The following CTSO variants were observed in gnomAD, a reference collection of about 807,000 sequenced individuals.
CTSO encodes cathepsin O.
CTSO carries 40 observed loss-of-function variants against 42.4 expected under a neutral mutation model. That is an observed-to-expected ratio of 0.94 (90% CI 0.73 to 1.23). CTSO has a LOEUF of 1.23. Among genes scored for constraint, CTSO ranks in the 50% most tolerant of loss-of-function variants. The pLI is 0.00. For synonymous variants in CTSO, 156 were observed against 146.2 expected, an observed-to-expected ratio of 1.07 and a Z score of -0.48; for missense variants, 441 against 396.0, an observed-to-expected ratio of 1.11 and a Z score of -0.96.
chr4:155,931,912 T>C (rs1459126371), intron 5 of CTSO, among the ~76,000 whole-genome samples: 1 of 151,836 alleles, frequency 6.6e-6, no homozygotes, highest in Non-Finnish European at 1.5e-5. Flanking sequence ...AATTTTATTG[T>C]CATCAAGATG....
Position 155,953,824 on chromosome 4 carries a change from C to A in CTSO, c.24G>T (p.Trp8Cys). 1.5e-6 allele frequency: 2 copies of A among 1,317,752 alleles called. No individual in the cohort carries two copies. Among genetic ancestry groups the A allele is most frequent in the Non-Finnish European group, 1.9e-6 (2 of 1,034,450 alleles). 81.6% of individuals were successfully genotyped at this position (1,317,752 alleles called of 1,614,324 possible). The change falls in exon 1 of 8, where the codon TGG becomes TGT. Residue 8 changes from tryptophan to cysteine, a missense_variant. Coordinates refer to ENST00000433477, the MANE Select transcript of CTSO (RefSeq NM_001334.3). MDVRALPWLPWLLWLLCR... is the reference protein window; with the variant it reads MDVRALPCLPWLLWLLCR... The stretch of plus-strand genomic sequence containing the variant: ...ACAGCAGCCACAGCAGCCACGGCAG[C>A]CACGGCAGCGCCCGCACGTCCATTG...
Position 155,943,162 on chromosome 4 carries a change from A to C in CTSO, c.238T>G (p.Phe80Val), listed in dbSNP as rs767176089. The stretch of plus-strand genomic sequence containing the variant: ...TAGCAACATCGGACTATACCTTTAA[A>C]CTCTTCAGGAAACAAATAGGAAAAC... Reference protein sequence around the residue: ...NQFSYLFPEEFKAIYLRSKPS... With the variant: ...NQFSYLFPEEVKAIYLRSKPS... Residue 80 changes from phenylalanine (F) to valine (V), a missense_variant, in exon 2 of 8, where the codon TTT becomes GTT. Phe to Val is a conservative substitution (Grantham distance 50). Coordinates refer to ENST00000433477, the MANE Select transcript of CTSO (RefSeq NM_001334.3). 1.3e-6 allele frequency: 2 copies of C among 1,599,056 alleles called. No homozygotes were observed. Among genetic ancestry groups the C allele is most frequent in the South Asian group, 1.1e-5 (1 of 90,152 alleles).
chr4:155,939,741 A>T (rs1743395912), intron 3 of CTSO, among the ~76,000 whole-genome samples: 1 of 152,216 alleles, frequency 6.6e-6, no homozygotes, highest in African/African-American at 2.4e-5. Context: ...TTATTAGTTC[A>T]TGTTGTCAGC....
Position 155,925,769 on chromosome 4 carries a change from T to C in CTSO, c.*267A>G. 1 of 421,624 alleles carries C rather than the reference T, an allele frequency of 2.4e-6. No homozygotes were observed. Among genetic ancestry groups the C allele is most frequent in the Middle Eastern group, 5.9e-4 (1 of 1,684 alleles). The allele number at this position is 421,624 out of a possible 1,614,324, so 26.1% of individuals were successfully genotyped here. A position where few individuals can be genotyped will look rare whatever the true frequency, so the allele number is the denominator to read the frequency against. On this transcript the variant is annotated 3_prime_UTR_variant, in exon 8 of 8. Coordinates refer to ENST00000433477, the MANE Select transcript of CTSO (RefSeq NM_001334.3). The stretch of plus-strand genomic sequence containing the variant: ...CCCAGTTGCAGGGGCCTAAAATATC[T>C]CCTAATCTGAATTTCGTCTCAGGAC...
At chr4:155,946,232 A>C (rs936185891) in intron 1 of CTSO, among the ~76,000 whole-genome samples, 1 of 152,174 alleles carries the variant, frequency 6.6e-6, no homozygotes, top group Admixed American at 6.5e-5. Flanking sequence ...CAGATGAAAC[A>C]AACTTATACA....
chr4:155,946,245 G>A (rs542780010), intron 1 of CTSO, among the ~76,000 whole-genome samples: 3 of 152,210 alleles, frequency 2.0e-5, no homozygotes, highest in Admixed American at 6.5e-5. Context: ...CTTATACATC[G>A]TTGGCAGGGA....
intron 6 of CTSO, 68 bp downstream of exon 6, chr4:155,929,474 G>A (rs1268165588): frequency 1.3e-6 from 2 of 1,487,042 alleles, no homozygotes; most frequent in African/African-American, 1.4e-5. Context: ...ATGTTCTACA[G>A]TATGGTGATC....
At chr4:155,946,306 AC>A (rs1486260512) in intron 1 of CTSO, among the ~76,000 whole-genome samples, 1 of 152,176 alleles carries the variant, frequency 6.6e-6, no homozygotes, top group African/African-American at 2.4e-5. Context: ...GTGTCATTTC[AC>A]CATCCAAAGT....
At chr4:155,951,999 A>G (rs1420490249) in intron 1 of CTSO, among the ~76,000 whole-genome samples, 9 of 152,208 alleles carry the variant, frequency 5.9e-5, no homozygotes, top group Non-Finnish European at 1.2e-4. Flanking sequence ...GTTTTAAAGC[A>G]TTCTTGGATA....
chr4:155,936,443 C>G (rs1026797114), intron 5 of CTSO, among the ~76,000 whole-genome samples: 3 of 152,186 alleles, frequency 2.0e-5, no homozygotes, highest in Non-Finnish European at 4.4e-5. Flanking sequence ...TTCAGGACCA[C>G]TAAGTCATAG....
chr4:155,942,256 T>C, intron 3 of CTSO, 61 bp downstream of exon 3: 1 of 1,372,068 alleles, frequency 7.3e-7, no homozygotes, highest in South Asian at 1.8e-5. Flanking sequence ...TGATTAAACT[T>C]GACCTCAAAG....
chr4:155,949,022 T>C (rs572258565), intron 1 of CTSO, among the ~76,000 whole-genome samples: 67 of 152,366 alleles, frequency 4.4e-4, no homozygotes, highest in African/African-American at 1.5e-3. Context: ...GCGAATCTTT[T>C]ATGAGCAAAC....
rs1011294433 is a variant in CTSO, at chr4:155,953,796, G to A, written c.52C>T (p.Arg18Trp). Residue 18 changes from arginine (R) to tryptophan (W), a missense_variant, in exon 1 of 8, where the codon CGG (arginine) becomes TGG (tryptophan). Arg to Trp is a moderately radical substitution (Grantham distance 101). Transcript: ENST00000433477. ...WLPWLLWLLC[R>W]GGGDADSRAP... ...CGGGAGTCCGCATCGCCGCCGCCCCGGCACAGCAGCCACAGCAGCCACGGC... is the reference window on the plus strand; with the variant it reads ...CGGGAGTCCGCATCGCCGCCGCCCCAGCACAGCAGCCACAGCAGCCACGGC... 3.7e-6 allele frequency: 5 copies of A among 1,351,112 alleles called. No homozygotes were observed. Among genetic ancestry groups the A allele is most frequent in the Admixed American group, 3.0e-5 (1 of 33,562 alleles). The allele number at this position is 1,351,112 out of a possible 1,614,324, so 83.7% of individuals were successfully genotyped here. A position where few individuals can be genotyped will look rare whatever the true frequency, so the allele number is the denominator to read the frequency against.
chr4:155,942,431 G>A lies in CTSO; in HGVS notation c.270C>T (p.Ser90=). 1 of 1,542,726 alleles carries A rather than the reference G, an allele frequency of 6.5e-7. No homozygotes were observed. The highest frequency in any genetic ancestry group is 8.7e-7 in the Non-Finnish European group (1 of 1,145,230). The change falls in exon 3 of 8, where the codon TCC becomes TCT. Residue 90 remains serine (S), a synonymous_variant. Coordinates refer to ENST00000433477, the MANE Select transcript of CTSO (RefSeq NM_001334.3). ...CTTCTGCTGAGTATCTGGGAAACTTGGAAGGTTTGCTTCTTAAATAAATGG... is the reference window on the plus strand; with the variant it reads ...CTTCTGCTGAGTATCTGGGAAACTTAGAAGGTTTGCTTCTTAAATAAATGG... The part of the protein sequence containing the change: ...FKAIYLRSKP[S]KFPRYSAEVH...
chr4:155,952,536 A>G (rs1231474898), intron 1 of CTSO, among the ~76,000 whole-genome samples: 1 of 152,216 alleles, frequency 6.6e-6, no homozygotes, highest in Non-Finnish European at 1.5e-5. Flanking sequence ...TAAGTTGAGG[A>G]TAGGGGTAGA....
intron 1 of CTSO, among the ~76,000 whole-genome samples, chr4:155,951,170 T>G (rs1040258331): frequency 6.6e-6 from 1 of 152,156 alleles, no homozygotes; most frequent in African/African-American, 2.4e-5. Context: ...GCTTTGGAAA[T>G]TTTATGTAAA....
At position 155,953,791 on chromosome 4, in the gene CTSO, G is replaced by A; in HGVS notation, c.57C>T (p.Gly19=). The A allele has an allele frequency of 1.5e-6, 2 of 1,342,942 alleles. No homozygotes were observed. Among genetic ancestry groups the A allele is most frequent in the Non-Finnish European group, 9.6e-7 (1 of 1,043,608 alleles). The allele number at this position is 1,342,942 out of a possible 1,614,324, so 83.2% of individuals were successfully genotyped here. The change falls in exon 1 of 8, where the codon GGC becomes GGT. Residue 19 remains glycine, a synonymous_variant. Coordinates refer to ENST00000433477, the MANE Select transcript of CTSO (RefSeq NM_001334.3). The stretch of plus-strand genomic sequence containing the variant: ...GGGCGCGGGAGTCCGCATCGCCGCC[G>A]CCCCGGCACAGCAGCCACAGCAGCC... The part of the protein sequence containing the change: ...LPWLLWLLCR[G]GGDADSRAPF...
At chr4:155,947,373 C>T (rs1188840297) in intron 1 of CTSO, among the ~76,000 whole-genome samples, 2 of 152,150 alleles carry the variant, frequency 1.3e-5, no homozygotes, top group Non-Finnish European at 2.9e-5. Context: ...CTCTATCTTC[C>T]TTTTCCTTTA....
At chr4:155,934,240 T>C (rs1396054238) in intron 5 of CTSO, among the ~76,000 whole-genome samples, 2 of 152,114 alleles carry the variant, frequency 1.3e-5, no homozygotes, top group African/African-American at 4.8e-5. Flanking sequence ...CCATTTGGGG[T>C]TGAGCCTGCG....
Sources: gnomAD v4.1 joint callset for allele counts (sites outside exome capture counted in the v4.1 genomes callset) on GRCh38, gnomAD v4.1.1 for gene constraint, MANE v1.5 for transcripts, NCBI Gene and HGNC (gene_info 2026-07-23, HGNC 2026-07-21) for gene names.